Variants in MYO3B observed in about 807,000 individuals in gnomAD.
MYO3B encodes myosin-IIIb.
In MYO3B, 156 loss-of-function variants were observed where a neutral mutation model predicts 174.6. The observed-to-expected ratio is 0.89, with a 90% CI of 0.78 to 1.02. The LOEUF (loss-of-function observed/expected upper bound fraction) is 1.02, where lower values mean the gene tolerates loss of function less well. MYO3B is among the 50% of genes least tolerant of loss of function. MYO3B has a pLI of 0.00. For missense variants in MYO3B, 1,632 were observed against 1,639.4 expected, an observed-to-expected ratio of 1.00 and a Z score of 0.08; for synonymous variants, 563 against 569.1, an observed-to-expected ratio of 0.99 and a Z score of 0.15.
chr2:170,512,228 G>GAAA (rs5836284), intron 28 of MYO3B, among the ~76,000 whole-genome samples: 4 of 150,568 alleles, frequency 2.7e-5, no homozygotes, highest in Non-Finnish European at 4.4e-5. Flanking sequence ...TAGGGCTGTA[G>GAAA]AAAAAAAAAA....
chr2:170,389,977 T>A (rs961992833), intron 14 of MYO3B, among the ~76,000 whole-genome samples: 1 of 151,776 alleles, frequency 6.6e-6, no homozygotes, highest in Non-Finnish European at 1.5e-5. Flanking sequence ...ATAATGACAC[T>A]CAGAGAACAT....
At chr2:170,649,047 T>TATATAAAATAATATATAATGTATATTA (rs1698668387) in intron 32 of MYO3B, among the ~76,000 whole-genome samples, 16 of 43,604 alleles carry the variant, frequency 3.7e-4, no homozygotes, top group South Asian at 3.7e-3. Flanking sequence ...ATAATGTATA[T>TATATAAAATAATATATAATGTATATTA]TATATAAAAT....
chr2:170,505,266 C>A (rs546199935), intron 28 of MYO3B, among the ~76,000 whole-genome samples: 1 of 152,086 alleles, frequency 6.6e-6, no homozygotes, highest in African/African-American at 2.4e-5. Context: ...TTCTGCGGGG[C>A]TGAGGGAGGT....
At chr2:170,611,013 G>A (rs536309513) in intron 32 of MYO3B, among the ~76,000 whole-genome samples, 6 of 152,280 alleles carry the variant, frequency 3.9e-5, no homozygotes, top group Non-Finnish European at 7.3e-5. Flanking sequence ...CAGAGGAGCC[G>A]TTGAGTCTGT....
chr2:170,433,005 C>T (rs2094723966), intron 22 of MYO3B, among the ~76,000 whole-genome samples: 1 of 152,168 alleles, frequency 6.6e-6, no homozygotes. Context: ...CCTTCACATT[C>T]ACACATCACT....
At chr2:170,378,800 A>G (rs1395128109) in intron 9 of MYO3B, among the ~76,000 whole-genome samples, 1 of 152,184 alleles carries the variant, frequency 6.6e-6, no homozygotes, top group East Asian at 1.9e-4. Context: ...ATGTCATCCA[A>G]TGTGAAGCTT....
chr2:170,465,799 A>G (rs963173691), intron 24 of MYO3B, among the ~76,000 whole-genome samples: 69 of 152,168 alleles, frequency 4.5e-4, no homozygotes, highest in African/African-American at 1.5e-3. Flanking sequence ...AGCAGTGACT[A>G]TGAAATAATG....
chr2:170,399,079 C>T (rs2094457783), intron 16 of MYO3B, among the ~76,000 whole-genome samples: 1 of 151,760 alleles, frequency 6.6e-6, no homozygotes, highest in Non-Finnish European at 1.5e-5. Context: ...CCCATCTCTA[C>T]TAAAAATACA....
At chr2:170,336,420 G>A (rs951523631) in intron 8 of MYO3B, among the ~76,000 whole-genome samples, 1 of 152,076 alleles carries the variant, frequency 6.6e-6, no homozygotes, top group Admixed American at 6.6e-5. Context: ...AGCAAAGTGG[G>A]TCTTTTGATC....
chr2:170,500,423 G>A (rs1407854953), intron 27 of MYO3B, among the ~76,000 whole-genome samples: 1 of 152,166 alleles, frequency 6.6e-6, no homozygotes, highest in Non-Finnish European at 1.5e-5. Context: ...CCTGGTTGAG[G>A]AGATATCTGG....
chr2:170,508,575 C>T (rs1687768111), intron 28 of MYO3B, among the ~76,000 whole-genome samples: 2 of 152,186 alleles, frequency 1.3e-5, no homozygotes, highest in Admixed American at 1.3e-4. Context: ...TTGTGTCTCC[C>T]TTATGTGTTC....
intron 32 of MYO3B, among the ~76,000 whole-genome samples, chr2:170,630,365 T>C (rs1696847266): frequency 6.6e-6 from 1 of 152,174 alleles, no homozygotes; most frequent in Non-Finnish European, 1.5e-5. Flanking sequence ...CCACCATTGC[T>C]GAGGCTTGAG....
chr2:170,369,788 T>C (rs1318147349), intron 9 of MYO3B, among the ~76,000 whole-genome samples: 1 of 152,034 alleles, frequency 6.6e-6, no homozygotes, highest in Non-Finnish European at 1.5e-5. Context: ...TGAAGAGCAG[T>C]AATGCAGGCT....
rs1685580550 is a variant in MYO3B, at chr2:170,479,990, A to G, written c.3014+13279A>G. Among the ~76,000 whole-genome samples the G allele has an allele frequency of 2.0e-5, 3 of 148,246 alleles. No homozygotes were observed. In the Admixed American group the frequency reaches 2.0e-4, roughly 10 times the overall value. ...ATGTATATGTATATATATTAAACCT[A>G]TATATATGTGTGTATGTATATATAT... On this transcript the variant is annotated intron_variant, in intron 25 of 34. Transcript: ENST00000408978.
intron 6 of MYO3B, among the ~76,000 whole-genome samples, chr2:170,217,716 T>C (rs2105372960): frequency 6.6e-6 from 1 of 152,306 alleles, no homozygotes; most frequent in South Asian, 2.1e-4. Context: ...TCAACTTCCC[T>C]GGATACATGC....
chr2:170,408,234 G>A (rs1157515368), intron 22 of MYO3B, among the ~76,000 whole-genome samples: 1 of 152,178 alleles, frequency 6.6e-6, no homozygotes, highest in African/African-American at 2.4e-5. Context: ...GTCATTCCAA[G>A]TTAAAGGAGT....
intron 32 of MYO3B, among the ~76,000 whole-genome samples, chr2:170,630,228 TAGCATGC>T (rs1696833380): frequency 6.6e-6 from 1 of 152,202 alleles, no homozygotes; most frequent in Admixed American, 6.5e-5. Flanking sequence ...CTGAAGGTCT[TAGCATGC>T]AGCACACCAG....
Position 170,455,868 on chromosome 2 carries a change from C to T in MYO3B, c.2731-7500C>T, listed in dbSNP as rs147968906. 9.9e-5 allele frequency among the ~76,000 whole-genome samples: 15 copies of T among 152,144 alleles called. No individual in the cohort carries two copies. The East Asian group carries it at 2.7e-3, about 27-fold the overall frequency. On this transcript the variant is annotated intron_variant, in intron 23 of 34. Transcript: ENST00000408978. ...ACTGACTTACATTGTTTTGTAAGTC[C>T]GTGTTGTAGGAGGAAAGTATACTGG...
At chr2:170,499,083 A>G (rs1687060223) in intron 26 of MYO3B, among the ~76,000 whole-genome samples, 1 of 152,236 alleles carries the variant, frequency 6.6e-6, no homozygotes, top group South Asian at 2.1e-4. Flanking sequence ...TATTTGCTGC[A>G]TAGCCTGATT....
Sources: allele counts gnomAD v4.1 joint callset (sites outside exome capture counted in the v4.1 genomes callset), GRCh38; gene constraint gnomAD v4.1.1; transcripts MANE v1.5; gene names NCBI Gene and HGNC (gene_info 2026-07-23, HGNC 2026-07-21).